Variants in MGST1 observed in about 807,000 individuals in gnomAD.
MGST1 encodes microsomal glutathione S-transferase 1.
MGST1 carries 5 observed loss-of-function variants against 8.9 expected under a neutral mutation model. The ratio of observed to expected loss-of-function variants is 0.56; its 90% CI spans 0.29 to 1.19. MGST1 has a LOEUF of 1.19. Ranked by LOEUF, MGST1 falls within the 50% of genes most tolerant of loss-of-function variation. The pLI is 0.08. For synonymous variants in MGST1, 54 were observed against 67.8 expected (o/e 0.80, Z 1.00); for missense variants, 182 against 187.4 (o/e 0.97, Z 0.17).
intron 1 of MGST1, among the ~76,000 whole-genome samples, chr12:16,398,738 A>G (rs895204478): frequency 1.3e-5 from 2 of 152,246 alleles, no homozygotes; most frequent in African/African-American, 2.4e-5. Context: ...CACCAGCCCA[A>G]TCTGCCTCAC....
intron 3 of MGST1, among the ~76,000 whole-genome samples, chr12:16,370,559 C>G (rs1940273469): frequency 6.6e-6 from 1 of 152,000 alleles, no homozygotes; most frequent in Admixed American, 6.6e-5. Flanking sequence ...GTGCTAAGTT[C>G]TTGTTTGAGC....
intron 4 of MGST1, among the ~76,000 whole-genome samples, chr12:16,518,438 A>T (rs1941628043): frequency 6.6e-6 from 1 of 152,188 alleles, no homozygotes; most frequent in Admixed American, 6.5e-5. Flanking sequence ...TATTTCATTT[A>T]GTTTTGAAAA....
chr12:16,555,550 C>G lies in MGST1; in HGVS notation n.483-33978C>G, dbSNP rs1942161308. 6.6e-6 allele frequency among the ~76,000 whole-genome samples: 1 copy of G among 152,200 alleles called. No homozygotes were observed. The highest frequency in any genetic ancestry group is 1.5e-5 in the Non-Finnish European group (1 of 68,030). On this transcript the variant is annotated intron_variant and non_coding_transcript_variant, in intron 4 of 4. Transcript: ENST00000538857. This position sits in a 1 kb window ranked among gnomAD's most constrained non-coding sequence, Gnocchi z 5.5. ...GTAGATTTATTCCAGAAACCAACAG[C>G]TTTAAATAACAAATGTATTTTAGAT...
chr12:16,435,004 C>T (rs1288377723), intron 1 of MGST1, among the ~76,000 whole-genome samples: 4 of 151,814 alleles, frequency 2.6e-5, no homozygotes, highest in Admixed American at 1.3e-4. Flanking sequence ...TACATTTATC[C>T]GAGATTCTTT....
At chr12:16,447,423 A>C (rs2137109312) in intron 4 of MGST1, among the ~76,000 whole-genome samples, 1 of 151,936 alleles carries the variant, frequency 6.6e-6, no homozygotes, top group Admixed American at 6.6e-5. Context: ...CCTGAAGATG[A>C]CCCTGTTGCC....
intron 4 of MGST1, among the ~76,000 whole-genome samples, chr12:16,528,509 C>G (rs1260919406): frequency 2.0e-5 from 3 of 151,942 alleles, no homozygotes; most frequent in Non-Finnish European, 4.4e-5. Context: ...TGCCATATAT[C>G]TAGGCAGTCA....
At chr12:16,472,665 T>C (rs1941296357) in intron 4 of MGST1, among the ~76,000 whole-genome samples, 1 of 152,246 alleles carries the variant, frequency 6.6e-6, no homozygotes, top group African/African-American at 2.4e-5. Context: ...TATTTGTTTT[T>C]ATGTATATTG....
At chr12:16,564,974 G>A (rs1468009836) in intron 4 of MGST1, among the ~76,000 whole-genome samples, 1 of 152,040 alleles carries the variant, frequency 6.6e-6, no homozygotes, top group Non-Finnish European at 1.5e-5. Context: ...AAAATTTGTA[G>A]AGATGGGGTC....
At chr12:16,421,998 G>A (rs1350707397) in intron 1 of MGST1, among the ~76,000 whole-genome samples, 3 of 152,142 alleles carry the variant, frequency 2.0e-5, no homozygotes, top group African/African-American at 4.8e-5. Flanking sequence ...TTTGGCAGCA[G>A]TGTCGCTGGT....
chr12:16,419,559 A>T (rs1940816520), intron 1 of MGST1, among the ~76,000 whole-genome samples: 1 of 152,194 alleles, frequency 6.6e-6, no homozygotes, highest in Admixed American at 6.6e-5. Context: ...ACTGTAGGAA[A>T]TATGGAGAAT....
At chr12:16,385,075 C>T (rs1380780848) in intron 1 of MGST1, among the ~76,000 whole-genome samples, 8 of 152,110 alleles carry the variant, frequency 5.3e-5, no homozygotes, top group South Asian at 2.1e-4. Context: ...TTTCACCCAC[C>T]GTGGACTTGC....
intron 3 of MGST1, chr12:16,360,239 A>T: frequency 3.4e-6 from 2 of 595,928 alleles, no homozygotes; most frequent in Non-Finnish European, 4.2e-6. Context: ...GAGCGTTTCC[A>T]GCATCTTCCC....
intron 1 of MGST1, among the ~76,000 whole-genome samples, chr12:16,388,534 A>G (rs930053568): frequency 6.6e-6 from 1 of 152,198 alleles, no homozygotes; most frequent in African/African-American, 2.4e-5. Flanking sequence ...TCAGGCATCA[A>G]CTGGACTCTT....
intron 4 of MGST1, among the ~76,000 whole-genome samples, chr12:16,499,128 A>G (rs1290478806): frequency 1.3e-5 from 2 of 152,082 alleles, no homozygotes; most frequent in Non-Finnish European, 2.9e-5. Flanking sequence ...TTGACATATA[A>G]TCTCTCCCCT....
intron 4 of MGST1, among the ~76,000 whole-genome samples, chr12:16,521,679 T>C (rs964152338): frequency 1.8e-4 from 27 of 152,308 alleles, no homozygotes; most frequent in African/African-American, 6.3e-4. Context: ...ACATATTTTT[T>C]GTCTTTTCCC....
intron 4 of MGST1, chr12:16,551,402 C>T (rs1420882760): frequency 3.3e-6 from 3 of 899,774 alleles, no homozygotes; most frequent in Admixed American, 1.9e-5. Context: ...ATTTATTTTC[C>T]TATTAATAGT....
At chr12:16,569,611 T>G (rs1942739173) in intron 4 of MGST1, among the ~76,000 whole-genome samples, 2 of 152,208 alleles carry the variant, frequency 1.3e-5, no homozygotes, top group African/African-American at 4.8e-5. Flanking sequence ...TAACATTTGA[T>G]GAGAAAAATA....
intron 4 of MGST1, among the ~76,000 whole-genome samples, chr12:16,452,400 C>CA (rs35104776): frequency 0.31 from 42,433 of 138,402 alleles, 7,075 homozygotes; most frequent in Non-Finnish European, 0.4. Flanking sequence ...AGGAAGTGGC[C>CA]AAAAAAAAAA....
intron 4 of MGST1, among the ~76,000 whole-genome samples, chr12:16,454,074 A>G (rs1941150580): frequency 6.6e-6 from 1 of 151,950 alleles, no homozygotes; most frequent in Admixed American, 6.6e-5. Context: ...ACGACTTTCA[A>G]ATGGGAATGC....
Sources: allele counts gnomAD v4.1 joint callset (sites outside exome capture counted in the v4.1 genomes callset), GRCh38; gene constraint gnomAD v4.1.1; non-coding constraint Gnocchi (gnomAD v3.1); transcripts MANE v1.5; gene names NCBI Gene and HGNC (gene_info 2026-07-23, HGNC 2026-07-21).